ZNF385D: variants seen among roughly 807,000 people sequenced by gnomAD.
ZNF385D encodes the protein zinc finger protein 385D, also known as zinc finger protein 659.
Under a neutral mutation model 35.8 loss-of-function variants are expected in ZNF385D, and 15 were observed. The observed-to-expected ratio is 0.42, with a 90% CI of 0.28 to 0.64. The LOEUF (loss-of-function observed/expected upper bound fraction) is 0.64. Ranked by LOEUF, ZNF385D falls within the 30% of genes least tolerant of loss-of-function variation. ZNF385D has a pLI of 0.23. For synonymous variants in ZNF385D, 212 were observed against 186.8 expected, an observed-to-expected ratio of 1.13 and a Z score of -1.10; for missense variants, 474 against 494.6, an observed-to-expected ratio of 0.96 and a Z score of 0.39.
intron 3 of ZNF385D, among the ~76,000 whole-genome samples, chr3:21,554,243 T>C (rs2062659041): frequency 6.6e-6 from 1 of 152,208 alleles, no homozygotes; most frequent in Admixed American, 6.5e-5. Context: ...GTGAATGTAG[T>C]GTTAGCAGGC....
intron 3 of ZNF385D, among the ~76,000 whole-genome samples, chr3:21,908,852 A>C (rs1424593656): frequency 1.3e-5 from 2 of 152,114 alleles, no homozygotes; most frequent in Non-Finnish European, 2.9e-5. Context: ...TTACATGTCA[A>C]TGTTATGACA....
intron 2 of ZNF385D, among the ~76,000 whole-genome samples, chr3:22,209,552 C>T (rs920560950): frequency 1.3e-5 from 2 of 151,782 alleles, no homozygotes; most frequent in Admixed American, 6.6e-5. Flanking sequence ...GAACTATAAG[C>T]AAACCACTTA....
At chr3:21,603,888 A>C (rs1254854880) in intron 2 of ZNF385D, among the ~76,000 whole-genome samples, 1 of 152,176 alleles carries the variant, frequency 6.6e-6, no homozygotes, top group Non-Finnish European at 1.5e-5. Flanking sequence ...GTAGGGAGGC[A>C]TAGCCACGCA....
rs73820182 is a variant in ZNF385D at position 21,900,823 on chromosome 3, G to T, written c.326-235795C>A. Among the ~76,000 whole-genome samples, 1,018 of 152,244 alleles carry T rather than the reference G, an allele frequency of 6.7e-3. 10 individuals are homozygous for T. Among genetic ancestry groups the T allele is most frequent in the African/African-American group, 0.023 (971 of 41,552 alleles). ...AAAAGGTCTCTAGTGACTGACTTTG[G>T]CCTTGCACTGGGATAAAAGCTGGTA... On this transcript the variant is annotated intron_variant, in intron 3 of 5. Transcript: ENST00000494108.
intron 3 of ZNF385D, among the ~76,000 whole-genome samples, chr3:22,109,682 T>C (rs1449983268): frequency 1.3e-5 from 2 of 152,080 alleles, no homozygotes; most frequent in African/African-American, 2.4e-5. Flanking sequence ...TGCTCCTGTA[T>C]TGGGGGCATA....
At chr3:22,080,424 T>C (rs1179176082) in intron 3 of ZNF385D, among the ~76,000 whole-genome samples, 1 of 152,026 alleles carries the variant, frequency 6.6e-6, no homozygotes, top group African/African-American at 2.4e-5. Flanking sequence ...AAATAAATAA[T>C]CTGTTTTCAC....
intron 3 of ZNF385D, among the ~76,000 whole-genome samples, chr3:21,816,585 T>C (rs987146339): frequency 6.6e-6 from 1 of 152,124 alleles, no homozygotes; most frequent in African/African-American, 2.4e-5. Context: ...CCATTCACAA[T>C]TGCTTCAAGG....
At chr3:21,471,279 TCTCTCTCTCTCTCTCTCACACA>T (rs1703875433) in intron 4 of ZNF385D, among the ~76,000 whole-genome samples, 15 of 20,728 alleles carry the variant, frequency 7.2e-4, no homozygotes, top group Admixed American at 6.5e-3. Context: ...TCTCTTTCTC[TCTCTCTCTCTCTCTCTCACACA>T]CACACACACA....
chr3:21,747,219 A>G (rs192044202), intron 1 of ZNF385D, among the ~76,000 whole-genome samples: 14 of 152,320 alleles, frequency 9.2e-5, no homozygotes, highest in African/African-American at 3.1e-4. Flanking sequence ...CACACTTTCT[A>G]AATTTTGCCT....
chr3:21,899,926 T>C (rs1278809402), intron 3 of ZNF385D, among the ~76,000 whole-genome samples: 2 of 152,146 alleles, frequency 1.3e-5, no homozygotes, highest in Non-Finnish European at 2.9e-5. Context: ...ACCAGTTGAA[T>C]TCCTTCTAAG....
At chr3:22,265,561 A>G (rs1002181599) in intron 2 of ZNF385D, among the ~76,000 whole-genome samples, 2 of 151,978 alleles carry the variant, frequency 1.3e-5, no homozygotes, top group Admixed American at 6.6e-5. Context: ...CCTTGTCGCC[A>G]TCAACCTAAC....
At chr3:21,485,393 G>A (rs1361319939) in intron 4 of ZNF385D, among the ~76,000 whole-genome samples, 1 of 152,090 alleles carries the variant, frequency 6.6e-6, no homozygotes, top group African/African-American at 2.4e-5. Context: ...GACTTGAGAA[G>A]ACAACTTGAA....
chr3:21,762,706 C>G (rs1410319397), intron 3 of ZNF385D, among the ~76,000 whole-genome samples: 1 of 152,140 alleles, frequency 6.6e-6, no homozygotes, highest in Non-Finnish European at 1.5e-5. Flanking sequence ...AGACAGACAG[C>G]CTTTCACTGT....
At chr3:21,875,656 G>T (rs1216435694) in intron 3 of ZNF385D, among the ~76,000 whole-genome samples, 1 of 151,992 alleles carries the variant, frequency 6.6e-6, no homozygotes, top group Admixed American at 6.6e-5. Context: ...GTTTTCTCAT[G>T]TATGCAATAC....
At chr3:22,066,239 C>G (rs998775780) in intron 3 of ZNF385D, among the ~76,000 whole-genome samples, 1 of 151,780 alleles carries the variant, frequency 6.6e-6, no homozygotes, top group Non-Finnish European at 1.5e-5. Flanking sequence ...GCTTATGAAA[C>G]AAGTGTAGTT....
intron 2 of ZNF385D, among the ~76,000 whole-genome samples, chr3:22,195,843 TA>T (rs1696377917): frequency 6.6e-6 from 1 of 151,986 alleles, no homozygotes; most frequent in Non-Finnish European, 1.5e-5. Flanking sequence ...TATACAGCCA[TA>T]AAAAAGAACA....
intron 3 of ZNF385D, among the ~76,000 whole-genome samples, chr3:21,935,509 C>T (rs907175293): frequency 3.3e-5 from 5 of 152,274 alleles, no homozygotes; most frequent in African/African-American, 1.2e-4. Flanking sequence ...ATGCTACAGC[C>T]TCAAAACCTG....
chr3:22,177,339 A>C (rs1333860063), intron 2 of ZNF385D, among the ~76,000 whole-genome samples: 1 of 152,142 alleles, frequency 6.6e-6, no homozygotes, highest in Admixed American at 6.5e-5. Flanking sequence ...GCCCCAGAAA[A>C]ATTTCTGAAG....
chr3:22,163,132 G>C (rs1034965135), intron 3 of ZNF385D, among the ~76,000 whole-genome samples: 3 of 152,108 alleles, frequency 2.0e-5, no homozygotes, highest in East Asian at 3.9e-4. Context: ...GCTGCTATAA[G>C]AGAAGGAACG....
Sources: gnomAD v4.1 joint callset for allele counts (sites outside exome capture counted in the v4.1 genomes callset) on GRCh38, gnomAD v4.1.1 for gene constraint, MANE v1.5 for transcripts, NCBI Gene and HGNC (gene_info 2026-07-23, HGNC 2026-07-21) for gene names.